SV2C: variants seen among roughly 807,000 people sequenced by gnomAD.
The protein encoded by SV2C is synaptic vesicle glycoprotein 2C.
Under a neutral mutation model 79.7 loss-of-function variants are expected in SV2C, and 49 were observed. The observed-to-expected ratio is 0.61, with a 90% CI of 0.49 to 0.78. SV2C has a LOEUF of 0.78. Among genes scored for constraint, SV2C ranks in the 30% least tolerant of loss-of-function variants. The pLI, the probability that SV2C is intolerant of heterozygous loss-of-function variation, is 0.00. For synonymous variants in SV2C, 334 were observed against 333.2 expected, an observed-to-expected ratio of 1.00 and a Z score of -0.03; for missense variants, 833 against 912.9, an observed-to-expected ratio of 0.91 and a Z score of 1.13.
chr5:76,054,047 T>C, the SV2C span, among the ~76,000 whole-genome samples: 1 of 152,104 alleles, frequency 6.6e-6, no homozygotes, highest in Non-Finnish European at 1.5e-5. Flanking sequence ...TACATAGGTA[T>C]GCAAGTGCCA....
chr5:76,036,671 T>C, the SV2C span, among the ~76,000 whole-genome samples: 1 of 152,196 alleles, frequency 6.6e-6, no homozygotes, highest in Non-Finnish European at 1.5e-5. Context: ...TCTGGCTGCC[T>C]TTAACATTTT....
intron 4 of SV2C, among the ~76,000 whole-genome samples, chr5:76,273,941 T>C (rs1746948806): frequency 6.6e-6 from 1 of 152,234 alleles, no homozygotes; most frequent in Non-Finnish European, 1.5e-5. Flanking sequence ...AAGATTAGAA[T>C]ATGACTGCGG....
the SV2C span, among the ~76,000 whole-genome samples, chr5:75,852,776 C>T: frequency 7.0e-6 from 1 of 143,104 alleles, no homozygotes; most frequent in Non-Finnish European, 1.5e-5. Flanking sequence ...CAGTGAGCTG[C>T]GATCACGCAA....
At chr5:76,064,453 T>C in the SV2C span, among the ~76,000 whole-genome samples, 1 of 152,226 alleles carries the variant, frequency 6.6e-6, no homozygotes, top group South Asian at 2.1e-4. Flanking sequence ...GTTATGTGAA[T>C]AGCTGTTTCT....
chr5:76,053,492 A>T, the SV2C span, among the ~76,000 whole-genome samples: 2 of 152,174 alleles, frequency 1.3e-5, no homozygotes, highest in African/African-American at 4.8e-5. Flanking sequence ...GGTCTGTTTA[A>T]GCTATACTAG....
downstream of SV2C, among the ~76,000 whole-genome samples, chr5:76,335,414 C>CTTTTTTTTTTTT (rs869230352): frequency 4.2e-4 from 41 of 98,112 alleles, no homozygotes; most frequent in African/African-American, 8.1e-4. Context: ...ACACATTTTC[C>CTTTTTTTTTTTT]TTTTTTTTTT....
intron 4 of SV2C, among the ~76,000 whole-genome samples, chr5:76,250,230 T>C (rs1453244057): frequency 6.6e-6 from 1 of 152,202 alleles, no homozygotes; most frequent in East Asian, 1.9e-4. Flanking sequence ...GAAGAAAAGT[T>C]CAAACCTAAC....
In SV2C at chr5:76,333,014, A is replaced by G. The variant is rs928460763; in HGVS notation, c.*7467A>G. 8 of 152,236 alleles carry G rather than the reference A, an allele frequency of 5.3e-5. No homozygotes were observed. Among genetic ancestry groups the G allele is most frequent in the Admixed American group, 5.2e-4 (8 of 15,282 alleles). The allele number at this position is 152,236 out of a possible 1,614,324, so 9.4% of individuals were successfully genotyped here. A position where few individuals can be genotyped will look rare whatever the true frequency, so the allele number is the denominator to read the frequency against. On this transcript the variant is annotated 3_prime_UTR_variant, in exon 13 of 13. Coordinates refer to ENST00000502798, the MANE Select transcript of SV2C (RefSeq NM_014979.4). ...GAATCCACTGTTATCTATGGGTGTC[A>G]TTCCTTCAGAAAGAATGTACAGTAA... is the stretch of plus-strand genomic sequence containing the variant.
At chr5:76,193,317 A>C (rs1397646104) in intron 2 of SV2C, among the ~76,000 whole-genome samples, 1 of 152,174 alleles carries the variant, frequency 6.6e-6, no homozygotes, top group Non-Finnish European at 1.5e-5. Flanking sequence ...AGGTGGTAGG[A>C]GGAATGCAGA....
chr5:76,298,957 C>A, intron 10 of SV2C, 30 bp downstream of exon 10: 1 of 1,607,570 alleles, frequency 6.2e-7, no homozygotes, highest in African/African-American at 1.3e-5. Flanking sequence ...CTGCCTCTAC[C>A]TGAGGCCTCT....
the SV2C span, among the ~76,000 whole-genome samples, chr5:75,970,000 G>T: frequency 1.0e-2 from 1,515 of 152,082 alleles, 41 homozygotes; most frequent in African/African-American, 0.035. Flanking sequence ...AATCAAACTA[G>T]AACTCAGGAT....
chr5:76,012,750 A>C, the SV2C span, among the ~76,000 whole-genome samples: 1 of 152,170 alleles, frequency 6.6e-6, no homozygotes, highest in Non-Finnish European at 1.5e-5. Flanking sequence ...CTTACATCTA[A>C]GTCTTTAATC....
intron 4 of SV2C, among the ~76,000 whole-genome samples, chr5:76,216,086 G>A (rs961623181): frequency 6.6e-6 from 1 of 152,076 alleles, no homozygotes; most frequent in Non-Finnish European, 1.5e-5. Context: ...TTGCTCTAAG[G>A]GCTAGTGAGT....
At chr5:75,875,150 T>C in the SV2C span, among the ~76,000 whole-genome samples, 1 of 152,154 alleles carries the variant, frequency 6.6e-6, no homozygotes, top group Non-Finnish European at 1.5e-5. Context: ...AGAACATAGC[T>C]GGAGCCATCA....
the SV2C span, among the ~76,000 whole-genome samples, chr5:75,913,754 T>C: frequency 6.6e-6 from 1 of 152,168 alleles, no homozygotes; most frequent in African/African-American, 2.4e-5. Flanking sequence ...AATGGAGCTG[T>C]CAAAATGCAG....
intron 9 of SV2C, among the ~76,000 whole-genome samples, chr5:76,297,741 CGTAATTGG>C (rs1467490041): frequency 2.0e-5 from 3 of 152,088 alleles, no homozygotes; most frequent in Admixed American, 2.0e-4. Context: ...AACCAACACA[CGTAATTGG>C]GTATTAGGGA....
At chr5:75,896,298 G>C in the SV2C span, among the ~76,000 whole-genome samples, 1 of 148,924 alleles carries the variant, frequency 6.7e-6, no homozygotes, top group Admixed American at 6.9e-5. Flanking sequence ...CCACCTATGA[G>C]TGAGAACATG....
intron 4 of SV2C, among the ~76,000 whole-genome samples, chr5:76,253,287 GT>G (rs1338268169): frequency 6.6e-6 from 1 of 152,068 alleles, no homozygotes; most frequent in East Asian, 1.9e-4. Flanking sequence ...GTTTTTTTAT[GT>G]TTTTTGCTTT....
the SV2C span, among the ~76,000 whole-genome samples, chr5:75,875,755 G>A: frequency 6.6e-6 from 1 of 152,020 alleles, no homozygotes; most frequent in South Asian, 2.1e-4. Flanking sequence ...ATTAAAAAGT[G>A]GGCAAAGGAC....
Sources: allele counts gnomAD v4.1 joint callset (sites outside exome capture counted in the v4.1 genomes callset), GRCh38; gene constraint gnomAD v4.1.1; transcripts MANE v1.5; gene names NCBI Gene and HGNC (gene_info 2026-07-23, HGNC 2026-07-21).